CAMK2D: variants seen among roughly 807,000 people sequenced by gnomAD.
CAMK2D encodes calcium/calmodulin dependent protein kinase II delta.
CAMK2D carries 37 observed loss-of-function variants against 84.0 expected under a neutral mutation model. That is an observed-to-expected ratio of 0.44 (90% CI 0.34 to 0.58). The LOEUF (loss-of-function observed/expected upper bound fraction) is 0.58. Ranked by LOEUF, CAMK2D falls within the 20% of genes least tolerant of loss-of-function variation. CAMK2D has a pLI of 0.02. For missense variants in CAMK2D, 448 were observed against 652.5 expected (o/e 0.69, Z 3.41); for synonymous variants, 202 against 212.5 (o/e 0.95, Z 0.43).
At chr4:113,759,507 G>A (rs985189773) in intron 1 of CAMK2D, 93 bp from the exon 2 acceptor site, 2 of 697,094 alleles carry the variant, frequency 2.9e-6, no homozygotes, top group East Asian at 2.9e-5. Context: ...GATTTTAGTG[G>A]ATTGCCAGTG....
intron 4 of CAMK2D, among the ~76,000 whole-genome samples, chr4:113,579,629 T>C (rs2098799145): frequency 6.6e-6 from 1 of 152,200 alleles, no homozygotes; most frequent in Non-Finnish European, 1.5e-5. Flanking sequence ...CACCTTCCAC[T>C]ATGATTGGAA....
intron 15 of CAMK2D, 72 bp from the exon 16 acceptor site, chr4:113,500,583 G>A: frequency 1.0e-6 from 1 of 969,454 alleles, no homozygotes; most frequent in Non-Finnish European, 1.6e-6. Context: ...AAATTGGCTA[G>A]TGACATACAT....
intron 4 of CAMK2D, among the ~76,000 whole-genome samples, chr4:113,603,952 G>GA (rs374707768): frequency 1.0e-4 from 15 of 147,792 alleles, no homozygotes; most frequent in East Asian, 5.9e-4. Flanking sequence ...AATTTAAAAA[G>GA]AAAAAAAAAG....
At chr4:113,586,808 T>C (rs1207163502) in intron 4 of CAMK2D, among the ~76,000 whole-genome samples, 1 of 152,118 alleles carries the variant, frequency 6.6e-6, no homozygotes, top group African/African-American at 2.4e-5. Flanking sequence ...TCGCTGGTTA[T>C]AGTAATAAAG....
chr4:113,603,198 C>A (rs1349539184), intron 4 of CAMK2D, among the ~76,000 whole-genome samples: 1 of 151,836 alleles, frequency 6.6e-6, no homozygotes, highest in Non-Finnish European at 1.5e-5. Context: ...GATGACTTTG[C>A]GTTATTTTAT....
chr4:113,533,393 T>G (rs889034992), intron 7 of CAMK2D, among the ~76,000 whole-genome samples: 1 of 152,040 alleles, frequency 6.6e-6, no homozygotes, highest in Non-Finnish European at 1.5e-5. Flanking sequence ...AAATTAAACT[T>G]GCAAGAATCT....
At chr4:113,704,276 C>T (rs2099433122) in intron 2 of CAMK2D, among the ~76,000 whole-genome samples, 1 of 152,048 alleles carries the variant, frequency 6.6e-6, no homozygotes, top group South Asian at 2.1e-4. Context: ...ATAAGATAAT[C>T]TGCAATTTTT....
chr4:113,744,106 C>G (rs1477547398), intron 2 of CAMK2D, among the ~76,000 whole-genome samples: 1 of 152,194 alleles, frequency 6.6e-6, no homozygotes, highest in Admixed American at 6.5e-5. Context: ...TCCCAAAGTG[C>G]TGGGATTACA....
At chr4:113,684,847 C>T (rs2099355135) in intron 2 of CAMK2D, among the ~76,000 whole-genome samples, 1 of 152,154 alleles carries the variant, frequency 6.6e-6, no homozygotes. Flanking sequence ...GTCTTGAGGT[C>T]AGTTTCAAAT....
At chr4:113,576,793 G>A (rs2098785150) in intron 4 of CAMK2D, among the ~76,000 whole-genome samples, 1 of 151,910 alleles carries the variant, frequency 6.6e-6, no homozygotes, top group Non-Finnish European at 1.5e-5. Flanking sequence ...AATTTAGACG[G>A]TACCAACTGA....
intron 16 of CAMK2D, among the ~76,000 whole-genome samples, chr4:113,484,444 C>G (rs899447361): frequency 6.6e-6 from 1 of 152,004 alleles, no homozygotes; most frequent in Admixed American, 6.6e-5. Flanking sequence ...TTCCAGATCT[C>G]AGGACATTGC....
intron 7 of CAMK2D, among the ~76,000 whole-genome samples, chr4:113,533,333 C>T (rs1359151120): frequency 6.6e-6 from 1 of 151,962 alleles, no homozygotes; most frequent in Non-Finnish European, 1.5e-5. Context: ...AATGTGACCT[C>T]ATAAATACAG....
At chr4:113,460,688 AATT>A (rs751893375) in intron 17 of CAMK2D, among the ~76,000 whole-genome samples, 10 of 150,220 alleles carry the variant, frequency 6.7e-5, no homozygotes, top group African/African-American at 2.2e-4. Context: ...TAATAATAAT[AATT>A]ATTATTATTT....
intron 2 of CAMK2D, among the ~76,000 whole-genome samples, chr4:113,702,263 A>T (rs2099421273): frequency 6.6e-6 from 1 of 152,218 alleles, no homozygotes; most frequent in South Asian, 2.1e-4. Flanking sequence ...GAACAAGGGT[A>T]AGCAAACTTT....
rs1378690529 is a variant in CAMK2D at position 113,551,750 on chromosome 4, C to G, written c.341+281G>C. On this transcript the variant is annotated intron_variant, in intron 5 of 20. Transcript: ENST00000511664. ...GGATTAGAGGATTTCAATCTTTGAT[C>G]TCTGACTTTCACTAAAAAATATATT... Among the ~76,000 whole-genome samples the G allele has an allele frequency of 2.6e-5, 4 of 152,286 alleles. No homozygotes were observed. The East Asian group carries it at 7.7e-4, about 29-fold the overall frequency.
intron 2 of CAMK2D, among the ~76,000 whole-genome samples, chr4:113,744,350 T>C (rs1015067886): frequency 6.6e-6 from 1 of 152,216 alleles, no homozygotes; most frequent in African/African-American, 2.4e-5. Flanking sequence ...TTCTGCCATA[T>C]GGGAAATCAA....
intron 4 of CAMK2D, among the ~76,000 whole-genome samples, chr4:113,599,557 C>G (rs1186794758): frequency 6.6e-6 from 1 of 152,096 alleles, no homozygotes; most frequent in Non-Finnish European, 1.5e-5. Context: ...TAAATATGTA[C>G]AGTTGATTCT....
chr4:113,599,158 C>T (rs753335944), intron 4 of CAMK2D, among the ~76,000 whole-genome samples: 1 of 152,136 alleles, frequency 6.6e-6, no homozygotes, highest in Non-Finnish European at 1.5e-5. Flanking sequence ...ACTGACAACA[C>T]CAAATGCTGG....
At chr4:113,653,126 C>G (rs550841307) in intron 3 of CAMK2D, among the ~76,000 whole-genome samples, 1 of 151,892 alleles carries the variant, frequency 6.6e-6, no homozygotes, top group African/African-American at 2.4e-5. Flanking sequence ...ATTTAACTTT[C>G]TACCAAGAAT....
Sources: gnomAD v4.1 joint callset for allele counts (sites outside exome capture counted in the v4.1 genomes callset) on GRCh38, gnomAD v4.1.1 for gene constraint, MANE v1.5 for transcripts, NCBI Gene and HGNC (gene_info 2026-07-23, HGNC 2026-07-21) for gene names.